CLVS1: variants seen among roughly 807,000 people sequenced by gnomAD.
CLVS1 encodes clavesin 1, also known as clavesin-1.
CLVS1 carries 10 observed loss-of-function variants against 33.1 expected under a neutral mutation model. The ratio of observed to expected loss-of-function variants is 0.30; its 90% CI spans 0.19 to 0.51. The LOEUF (loss-of-function observed/expected upper bound fraction) is 0.51. CLVS1 is among the 20% of genes least tolerant of loss of function. CLVS1 has a pLI of 0.97. For synonymous variants in CLVS1, 163 were observed against 166.1 expected (o/e 0.98, Z 0.14); for missense variants, 343 against 433.4 (o/e 0.79, Z 1.85).
At position 61,367,379 on chromosome 8, in the gene CLVS1, G is replaced by A. The variant is rs74371212; in HGVS notation, c.456-9226G>A. On this transcript the variant is annotated intron_variant, in intron 2 of 5. Coordinates refer to ENST00000325897, the MANE Select transcript of CLVS1 (RefSeq NM_173519.3). The stretch of plus-strand genomic sequence containing the variant: ...TTCCTTCAATACATGGTGTCTACAC[G>A]CTAAGCTCTTACTATTGTTTATGTG... 0.012 allele frequency among the ~76,000 whole-genome samples: 1,756 copies of A among 152,172 alleles called. 100 individuals are homozygous for A. In the East Asian group the frequency reaches 0.18, roughly 16 times the overall value.
intron 2 of CLVS1, chr8:61,202,586 T>A (rs1003972936): frequency 3.8e-6 from 5 of 1,304,254 alleles, no homozygotes; most frequent in Middle Eastern, 4.7e-4. Flanking sequence ...CTGGCAACTT[T>A]GAAAATGTCT....
intron 2 of CLVS1, among the ~76,000 whole-genome samples, chr8:61,315,890 C>G (rs187247215): frequency 2.8e-4 from 42 of 152,224 alleles, no homozygotes; most frequent in African/African-American, 9.9e-4. Flanking sequence ...GCCCCCAACT[C>G]CCCAATAGGC....
intron 2 of CLVS1, chr8:61,202,572 A>C: frequency 2.4e-6 from 3 of 1,255,414 alleles, no homozygotes; most frequent in Non-Finnish European, 3.5e-6. Context: ...CAATTAAAGT[A>C]ACACTGGCAA....
At chr8:61,352,185 A>C in intron 2 of CLVS1, among the ~76,000 whole-genome samples, 1 of 152,022 alleles carries the variant, frequency 6.6e-6, no homozygotes, top group East Asian at 1.9e-4. Context: ...TGGAAAAGGT[A>C]AAATGTTGAT....
At chr8:61,013,217 C>T in the CLVS1 span, among the ~76,000 whole-genome samples, 1 of 152,186 alleles carries the variant, frequency 6.6e-6, no homozygotes, top group Non-Finnish European at 1.5e-5. Context: ...CCACTGGAGG[C>T]CAAGACTTGC....
chr8:61,446,751 G>A (rs1159016983), intron 3 of CLVS1, among the ~76,000 whole-genome samples: 5 of 151,278 alleles, frequency 3.3e-5, no homozygotes, highest in African/African-American at 1.2e-4. Context: ...AGTTTCAAGG[G>A]AGAAAAAAAC....
intron 2 of CLVS1, among the ~76,000 whole-genome samples, chr8:61,244,381 CTT>C (rs898795348): frequency 4.1e-4 from 63 of 152,210 alleles, no homozygotes; most frequent in South Asian, 8.3e-4. Context: ...AGAAAGTTGT[CTT>C]GTTTTATGGC....
rs1163362428 is a variant in CLVS1 at position 61,121,071 on chromosome 8, C to T, written c.-242-10699C>T. On this transcript the variant is annotated intron_variant, in intron 1 of 2. Coordinates refer to the CLVS1 transcript ENST00000522621. ...CCAAGCCAGGTGCGGGGTATAATCT[C>T]GTGGTGCGCCGTTTTTTAAGCCCGT... Among the ~76,000 whole-genome samples, 14 of 152,034 alleles carry T rather than the reference C, an allele frequency of 9.2e-5. No homozygotes were observed. In the South Asian group the frequency reaches 2.7e-3, roughly 30 times the overall value.
At chr8:61,155,327 G>A (rs909804488) in intron 2 of CLVS1, among the ~76,000 whole-genome samples, 1 of 152,150 alleles carries the variant, frequency 6.6e-6, no homozygotes, top group Non-Finnish European at 1.5e-5. Flanking sequence ...CAACCCGCAA[G>A]AAAATGCCCC....
chr8:61,089,562 G>T (rs1056628816), intron 1 of CLVS1, among the ~76,000 whole-genome samples: 12 of 152,154 alleles, frequency 7.9e-5, no homozygotes, highest in African/African-American at 2.9e-4. Context: ...CAACTTGCCA[G>T]CAACGAGAAC....
Position 61,158,187 on chromosome 8 carries a change from T to A in CLVS1, c.-152+26327T>A, listed in dbSNP as rs1471077011. On this transcript the variant is annotated intron_variant, in intron 2 of 2. Transcript: ENST00000522621. The stretch of plus-strand genomic sequence containing the variant: ...ATATAGATGAATCTCAAAAACATTA[T>A]GCTGAGTGAAAGAAGCCAGATCCCC... Among the ~76,000 whole-genome samples, 3 of 152,186 alleles carry A rather than the reference T, an allele frequency of 2.0e-5. No individual in the cohort carries two copies. The East Asian group carries it at 5.8e-4, about 29-fold the overall frequency.
At chr8:61,021,642 T>C in the CLVS1 span, among the ~76,000 whole-genome samples, 1 of 152,092 alleles carries the variant, frequency 6.6e-6, no homozygotes, top group Non-Finnish European at 1.5e-5. Context: ...GATTACCGCA[T>C]GAGCGCACCC....
intron 3 of CLVS1, among the ~76,000 whole-genome samples, chr8:61,444,761 C>T (rs901480877): frequency 6.6e-6 from 1 of 152,168 alleles, no homozygotes; most frequent in Non-Finnish European, 1.5e-5. Context: ...ATGGGTAAGG[C>T]TGGGAATGAA....
chr8:61,070,588 C>G (rs939623741), intron 1 of CLVS1, among the ~76,000 whole-genome samples: 23 of 152,198 alleles, frequency 1.5e-4, no homozygotes, highest in African/African-American at 5.3e-4. Context: ...GCCTGTAATC[C>G]CAGTACTCTG....
intron 1 of CLVS1, among the ~76,000 whole-genome samples, chr8:61,082,866 G>A (rs1805046319): frequency 6.6e-6 from 1 of 152,062 alleles, no homozygotes; most frequent in South Asian, 2.1e-4. Context: ...GCAACATGAT[G>A]AAACCCCATC....
chr8:61,444,976 G>C (rs575311276), intron 3 of CLVS1, among the ~76,000 whole-genome samples: 17 of 152,298 alleles, frequency 1.1e-4, no homozygotes, highest in Non-Finnish European at 2.1e-4. Flanking sequence ...GAGCTCCCAG[G>C]CTAGTCATTT....
intron 5 of CLVS1, among the ~76,000 whole-genome samples, chr8:61,496,804 G>T (rs1012746047): frequency 6.6e-6 from 1 of 152,180 alleles, no homozygotes; most frequent in Non-Finnish European, 1.5e-5. Context: ...TTATGGTGAG[G>T]TGGAAGGAAC....
At chr8:61,133,533 A>T (rs1295387825) in intron 2 of CLVS1, among the ~76,000 whole-genome samples, 1 of 152,174 alleles carries the variant, frequency 6.6e-6, no homozygotes, top group Non-Finnish European at 1.5e-5. Flanking sequence ...GGCCAGATCA[A>T]AGGACCTTTT....
intron 5 of CLVS1, among the ~76,000 whole-genome samples, chr8:61,462,201 C>T (rs1340084824): frequency 6.6e-6 from 1 of 152,136 alleles, no homozygotes; most frequent in East Asian, 1.9e-4. Context: ...CAACTTCTTC[C>T]AAAGTCCTGT....
Sources: gnomAD v4.1 joint callset for allele counts (sites outside exome capture counted in the v4.1 genomes callset) on GRCh38, gnomAD v4.1.1 for gene constraint, MANE v1.5 for transcripts, NCBI Gene and HGNC (gene_info 2026-07-23, HGNC 2026-07-21) for gene names.